Variants in HERC1 observed in about 807,000 individuals in gnomAD.
HERC1 encodes the protein probable E3 ubiquitin-protein ligase HERC1.
Under a neutral mutation model 554.3 loss-of-function variants are expected in HERC1, and 160 were observed. That is an observed-to-expected ratio of 0.29 (90% CI 0.25 to 0.33). The LOEUF (loss-of-function observed/expected upper bound fraction) is 0.33, where lower values mean the gene tolerates loss of function less well. Ranked by LOEUF, HERC1 falls within the 10% of genes least tolerant of loss-of-function variation. The probability of loss-of-function intolerance (pLI) is 1.00; values close to 1 mark genes in which losing one functional copy is unlikely to be tolerated. For synonymous variants in HERC1, 2,175 were observed against 2,131.7 expected (o/e 1.02, Z -0.56); for missense variants, 4,919 against 5,918.5 (o/e 0.83, Z 5.54).
intron 26 of HERC1, among the ~76,000 whole-genome samples, chr15:63,697,140 G>C (rs2072464169): frequency 6.6e-6 from 1 of 151,954 alleles, no homozygotes; most frequent in African/African-American, 2.4e-5. Context: ...TTAATTAAAA[G>C]ACTATTTGGA....
At chr15:63,833,749 G>GCACACA (rs1206350552) in intron 1 of HERC1, 78 bp downstream of exon 1, 34 of 28,472 alleles carry the variant, frequency 1.2e-3, no homozygotes, top group African/African-American at 4.1e-3. Flanking sequence ...ACACACGCGC[G>GCACACA]CGCGCACACA....
At chr15:63,664,720 T>G (rs938103417) in intron 42 of HERC1, 126 bp from the exon 43 acceptor site, 1 of 782,366 alleles carries the variant, frequency 1.3e-6, no homozygotes, top group Non-Finnish European at 2.0e-6. Flanking sequence ...ATGATAAAAT[T>G]TGAAACACAT....
intron 12 of HERC1, among the ~76,000 whole-genome samples, chr15:63,738,445 A>G (rs2074640546): frequency 6.6e-6 from 1 of 152,212 alleles, no homozygotes; most frequent in Admixed American, 6.5e-5. Context: ...TTGTTTTGAT[A>G]ATTATATAAT....
At chr15:63,806,880 TGGGATTACAG>T (rs2145087421) in intron 1 of HERC1, among the ~76,000 whole-genome samples, 1 of 152,324 alleles carries the variant, frequency 6.6e-6, no homozygotes, top group Non-Finnish European at 1.5e-5. Flanking sequence ...CCCAAACAGC[TGGGATTACAG>T]GCATGCGCCA....
At chr15:63,649,621 C>G in intron 54 of HERC1, 104 bp downstream of exon 54, 1 of 892,904 alleles carries the variant, frequency 1.1e-6, no homozygotes, top group Non-Finnish European at 1.7e-6. Flanking sequence ...GAAAACAAAG[C>G]CAAGATAATA....
chr15:63,736,654 G>A (rs974177588), intron 12 of HERC1, among the ~76,000 whole-genome samples: 12 of 151,488 alleles, frequency 7.9e-5, no homozygotes, highest in African/African-American at 2.9e-4. Context: ...TGTCACCCAG[G>A]CTGGAGCACA....
chr15:63,772,507 A>AAT (rs555818165), intron 2 of HERC1, among the ~76,000 whole-genome samples: 8 of 150,728 alleles, frequency 5.3e-5, no homozygotes, highest in South Asian at 2.1e-4. Context: ...TTATTGTTTT[A>AAT]ATATATATAT....
At chr15:63,651,193 T>G in intron 53 of HERC1, 60 bp downstream of exon 53, 1 of 1,520,938 alleles carries the variant, frequency 6.6e-7, no homozygotes, top group Non-Finnish European at 9.0e-7. Context: ...CTCAGAAGAC[T>G]AAGAAGAAGG....
chr15:63,785,715 G>C (rs1174897106), intron 1 of HERC1, among the ~76,000 whole-genome samples: 1 of 152,040 alleles, frequency 6.6e-6, no homozygotes, highest in Non-Finnish European at 1.5e-5. Context: ...GCTGCAGTGA[G>C]TCAAGATCAT....
At chr15:63,795,148 T>G (rs184137545) in intron 1 of HERC1, among the ~76,000 whole-genome samples, 63 of 151,864 alleles carry the variant, frequency 4.1e-4, no homozygotes, top group Non-Finnish European at 1.5e-5. Context: ...AATTATATCA[T>G]TTTTAAATGT....
In HERC1 at chr15:63,778,150, G is replaced by C. The variant is rs184798655; in HGVS notation, c.-26-2501C>G. 2.0e-5 allele frequency among the ~76,000 whole-genome samples: 3 copies of C among 152,288 alleles called. No homozygotes were observed. The South Asian group carries it at 6.2e-4, about 32-fold the overall frequency. On this transcript the variant is annotated intron_variant, in intron 1 of 77. Transcript: ENST00000443617. ...ATTGCAAATAATTGTAAATAAAAAA[G>C]AGAAAAAGTCAACCAATCCAGGGTA...
chr15:63,737,540 TATATA>T (rs2074594938), intron 12 of HERC1, among the ~76,000 whole-genome samples: 1 of 125,340 alleles, frequency 8.0e-6, no homozygotes, highest in Non-Finnish European at 1.7e-5. Flanking sequence ...TATATATATA[TATATA>T]TATCTTTTTT....
intron 12 of HERC1, among the ~76,000 whole-genome samples, chr15:63,742,660 G>T (rs546824072): frequency 6.6e-6 from 1 of 152,042 alleles, no homozygotes; most frequent in African/African-American, 2.4e-5. Context: ...CTAGTTTGTT[G>T]AATATTTTTA....
intron 1 of HERC1, among the ~76,000 whole-genome samples, chr15:63,822,324 G>T (rs1056295399): frequency 6.6e-6 from 1 of 152,158 alleles, no homozygotes; most frequent in Non-Finnish European, 1.5e-5. Context: ...TGTGGCTCAC[G>T]CCTGCAATCC....
chr15:63,721,458 G>A (rs1000300752), intron 19 of HERC1, among the ~76,000 whole-genome samples: 8 of 152,040 alleles, frequency 5.3e-5, no homozygotes, highest in African/African-American at 1.7e-4. Context: ...CTCGGAAGGC[G>A]GAGGTTGCAG....
At position 63,657,721 on chromosome 15, in the gene HERC1, C is replaced by A. The variant is rs146317478; in HGVS notation, c.9599+823G>T. ...CTTGTCCCAAGACCAAGAAGCAATT[C>A]TTCTATGTTACCTTCAATAAACTTT... On this transcript the variant is annotated intron_variant, in intron 48 of 77. Coordinates refer to ENST00000443617, the MANE Select transcript of HERC1 (RefSeq NM_003922.4). 1.7e-3 allele frequency among the ~76,000 whole-genome samples: 260 copies of A among 152,198 alleles called. 2 individuals carry two copies. The highest frequency in any genetic ancestry group is 5.9e-3 in the African/African-American group (244 of 41,520).
At chr15:63,826,630 T>C (rs2077912273) in intron 1 of HERC1, among the ~76,000 whole-genome samples, 1 of 151,544 alleles carries the variant, frequency 6.6e-6, no homozygotes, top group Non-Finnish European at 1.5e-5. Context: ...TAATGGACTT[T>C]ACCTGCACAT....
chr15:63,681,426 G>A (rs1377365001), intron 34 of HERC1, among the ~76,000 whole-genome samples: 3 of 151,996 alleles, frequency 2.0e-5, no homozygotes, highest in African/African-American at 7.3e-5. Context: ...TGAACTCCTG[G>A]CCTCAAGCAA....
chr15:63,703,109 C>CAAA (rs372589572), intron 25 of HERC1, among the ~76,000 whole-genome samples: 24 of 91,696 alleles, frequency 2.6e-4, no homozygotes, highest in African/African-American at 6.2e-4. Context: ...GACTCTGTCT[C>CAAA]AAAAAAAAAA....
Sources: gnomAD v4.1 joint callset for allele counts (sites outside exome capture counted in the v4.1 genomes callset) on GRCh38, gnomAD v4.1.1 for gene constraint, MANE v1.5 for transcripts, NCBI Gene and HGNC (gene_info 2026-07-23, HGNC 2026-07-21) for gene names.